Variants in DNAH11 observed in about 807,000 individuals in gnomAD.
DNAH11 encodes dynein axonemal heavy chain 11.
DNAH11 carries 442 observed loss-of-function variants against 526.0 expected under a neutral mutation model. The observed-to-expected ratio is 0.84, with a 90% CI of 0.78 to 0.91. DNAH11 has a LOEUF of 0.91. DNAH11 is among the 40% of genes least tolerant of loss of function. DNAH11 has a pLI of 0.00. For synonymous variants in DNAH11, 2,461 were observed against 1,935.9 expected, an observed-to-expected ratio of 1.27 and a Z score of -7.12; for missense variants, 6,989 against 5,448.7, an observed-to-expected ratio of 1.28 and a Z score of -8.90.
intron 63 of DNAH11, among the ~76,000 whole-genome samples, chr7:21,811,455 C>CAAA (rs33956308): frequency 1.2e-3 from 174 of 144,174 alleles, no homozygotes; most frequent in East Asian, 1.0e-3. Flanking sequence ...GATGCCATCT[C>CAAA]AAAAAAAAAA....
intron 68 of DNAH11, among the ~76,000 whole-genome samples, chr7:21,856,627 A>T (rs545556546): frequency 6.6e-6 from 1 of 152,320 alleles, no homozygotes; most frequent in East Asian, 1.9e-4. Context: ...AAAAAGCACA[A>T]TGTATCATGA....
At chr7:21,554,205 ACT>A (rs1050510543) in intron 2 of DNAH11, among the ~76,000 whole-genome samples, 1 of 120,318 alleles carries the variant, frequency 8.3e-6, no homozygotes, top group Non-Finnish European at 1.7e-5. Flanking sequence ...GGGAAGTCTC[ACT>A]CTGTTGCGCA....
Position 21,616,272 on chromosome 7 carries a change from G to C in DNAH11, c.4075G>C (p.Glu1359Gln). The C allele has an allele frequency of 3.7e-6, 6 of 1,612,772 alleles. No individual in the cohort carries two copies. Among genetic ancestry groups the C allele is most frequent in the Non-Finnish European group, 5.1e-6 (6 of 1,179,304 alleles). ...RQIHVEQMDV[E>Q]LRRFAKEIWS... Reference sequence around the variant, plus strand: ...GATTCATGTGGAACAGATGGATGTAGAACTCAGAAGGTTTGCCAAGGCGAG... The same window carrying C: ...GATTCATGTGGAACAGATGGATGTACAACTCAGAAGGTTTGCCAAGGCGAG... The change falls in exon 22 of 82, where the codon GAA (glutamate) becomes CAA (glutamine). Residue 1359 changes from glutamate to glutamine, a missense_variant. Glu to Gln is a conservative substitution (Grantham distance 29, BLOSUM62 2). Coordinates refer to ENST00000409508, the MANE Select transcript of DNAH11 (RefSeq NM_001277115.2).
chr7:21,769,483 G>GT lies in DNAH11; in HGVS notation c.9102+3894_9102+3895insT, dbSNP rs1787329738. Among the ~76,000 whole-genome samples the GT allele has an allele frequency of 3.1e-3, 297 of 94,770 alleles. 1 individual carries two copies. Among genetic ancestry groups the GT allele is most frequent in the African/African-American group, 9.0e-3 (188 of 20,868 alleles). 62.2% of individuals were successfully genotyped at this position (94,770 alleles called of 152,430 possible). ...TAGCTGGATTGCTTTTTTATTCTTT[G>GT]GTTTTTTTTTTCTTTTTTTGAGAGG... On this transcript the variant is annotated intron_variant, in intron 55 of 81. Transcript: ENST00000409508.
chr7:21,656,475 C>T (rs1262675793), intron 29 of DNAH11, among the ~76,000 whole-genome samples: 3 of 152,174 alleles, frequency 2.0e-5, no homozygotes, highest in African/African-American at 4.8e-5. Flanking sequence ...ATGTCCTGTA[C>T]TCTAATTACC....
intron 68 of DNAH11, among the ~76,000 whole-genome samples, chr7:21,856,059 C>A (rs79700408): frequency 8.6e-4 from 131 of 152,036 alleles, no homozygotes; most frequent in Non-Finnish European, 1.7e-3. Flanking sequence ...TTCAGGGATT[C>A]CAGGTAGTGA....
chr7:21,883,613 T>A (rs1418883055), intron 75 of DNAH11, among the ~76,000 whole-genome samples: 2 of 152,224 alleles, frequency 1.3e-5, no homozygotes, highest in Admixed American at 6.5e-5. Flanking sequence ...CAAGCTGATA[T>A]AAAGCAGATA....
At chr7:21,768,486 T>A (rs1423894117) in intron 55 of DNAH11, among the ~76,000 whole-genome samples, 1 of 152,178 alleles carries the variant, frequency 6.6e-6, no homozygotes, top group African/African-American at 2.4e-5. Context: ...AGTGAGATGT[T>A]TGTTGGATGG....
Position 21,591,523 on chromosome 7 carries a change from A to C in DNAH11, c.2613A>C (p.Thr871=), listed in dbSNP as rs771205044. ...FTLEDKGDLF[T]KKYKLIQGDG... is the part of the protein sequence containing the mutation. ...TGGAGGACAAGGGTGATTTGTTTACAAAAAAATACAAGTTAATCCAAGGAG... is the reference window on the plus strand; with the variant it reads ...TGGAGGACAAGGGTGATTTGTTTACCAAAAAATACAAGTTAATCCAAGGAG... The change falls in exon 14 of 82, where the codon ACA becomes ACC. Residue 871 remains threonine, a synonymous_variant. Transcript: ENST00000409508. 4 of 1,596,566 alleles carry C rather than the reference A, an allele frequency of 2.5e-6. No homozygotes were observed. The highest frequency in any genetic ancestry group is 3.4e-6 in the Non-Finnish European group (4 of 1,167,586).
intron 34 of DNAH11, among the ~76,000 whole-genome samples, chr7:21,689,292 C>T (rs895795435): frequency 7.2e-5 from 11 of 152,350 alleles, no homozygotes; most frequent in Non-Finnish European, 1.2e-4. Context: ...ATTTATGTAA[C>T]TGATCCATGT....
chr7:21,827,989 C>T (rs146677088), intron 65 of DNAH11, among the ~76,000 whole-genome samples: 2,993 of 151,634 alleles, frequency 0.02, 96 homozygotes, highest in African/African-American at 0.068. Flanking sequence ...TGCTCTGTCG[C>T]CCAGGCTGGA....
At position 21,564,274 on chromosome 7, in the gene DNAH11, A is replaced by C. The variant is rs1026108125; in HGVS notation, c.1071A>C (p.Thr357=). 6.2e-7 allele frequency: 1 copy of C among 1,613,758 alleles called. No individual in the cohort carries two copies. The highest frequency in any genetic ancestry group is 1.7e-5 in the Admixed American group (1 of 59,968). ...QCLQETEFPQ[T]RILIAPLFHT... ...TCCAGGAGACGGAATTCCCACAGACACGCATATTAATCGCTCCATTATTTC... is the reference window on the plus strand; with the variant it reads ...TCCAGGAGACGGAATTCCCACAGACCCGCATATTAATCGCTCCATTATTTC... Residue 357 remains threonine, a synonymous_variant, in exon 6 of 82, where the codon ACA becomes ACC. Transcript: ENST00000409508.
In DNAH11 at chr7:21,718,642, G is replaced by A. The variant is rs571460978; in HGVS notation, c.7134+717G>A. On this transcript the variant is annotated intron_variant, in intron 43 of 81. Coordinates refer to ENST00000409508, the MANE Select transcript of DNAH11 (RefSeq NM_001277115.2). ...CACAACACACAGAAATGAAGGCTGT[G>A]ATCTTCATCTCAGCATGAAGAAAAA... 2.0e-5 allele frequency among the ~76,000 whole-genome samples: 3 copies of A among 152,260 alleles called. No individual in the cohort carries two copies. The South Asian group carries it at 6.2e-4, about 32-fold the overall frequency.
At chr7:21,840,510 G>C (rs1782165214) in intron 65 of DNAH11, among the ~76,000 whole-genome samples, 1 of 152,054 alleles carries the variant, frequency 6.6e-6, no homozygotes, top group Non-Finnish European at 1.5e-5. Context: ...CATGCCTCTA[G>C]GCCTCATAAG....
At chr7:21,876,705 C>T (rs1783725664) in intron 74 of DNAH11, among the ~76,000 whole-genome samples, 2 of 152,192 alleles carry the variant, frequency 1.3e-5, no homozygotes, top group Admixed American at 6.5e-5. Context: ...GCAGGAGTTG[C>T]AGCCCCCATA....
At position 21,610,048 on chromosome 7, in the gene DNAH11, A is replaced by G. The variant is rs563875463; in HGVS notation, c.3852+3315A>G. 2.0e-5 allele frequency among the ~76,000 whole-genome samples: 3 copies of G among 152,154 alleles called. No homozygotes were observed. The South Asian group carries it at 6.2e-4, about 32-fold the overall frequency. On this transcript the variant is annotated intron_variant, in intron 20 of 81. Coordinates refer to ENST00000409508, the MANE Select transcript of DNAH11 (RefSeq NM_001277115.2). Reference sequence around the variant, plus strand: ...GGCAGGCAGATCACAAGGTCAGGAGATGGAGACCATCCTGGCTAACACAGT... The same window carrying G: ...GGCAGGCAGATCACAAGGTCAGGAGGTGGAGACCATCCTGGCTAACACAGT...
At chr7:21,661,985 A>G (rs1782259995) in intron 30 of DNAH11, among the ~76,000 whole-genome samples, 1 of 151,842 alleles carries the variant, frequency 6.6e-6, no homozygotes, top group African/African-American at 2.4e-5. Flanking sequence ...TGCCCAGCTA[A>G]TTTTTGTGTT....
In DNAH11 at chr7:21,710,616, G is replaced by C. The variant is rs760315430; in HGVS notation, c.6747G>C (p.Lys2249Asn). 1.3e-5 allele frequency: 21 copies of C among 1,613,184 alleles called. No individual in the cohort carries two copies. The South Asian group carries it at 1.9e-4, about 14-fold the overall frequency. ...SSILREQANL[K>N]HDGPKWIVLD... is the part of the protein sequence containing the mutation. ...TTCTACGAGAACAAGCAAATCTTAAGCATGATGGACCAAAATGGATAGTCC... is the reference window on the plus strand; with the variant it reads ...TTCTACGAGAACAAGCAAATCTTAACCATGATGGACCAAAATGGATAGTCC... The change falls in exon 41 of 82, where the codon AAG becomes AAC. Residue 2249 changes from lysine (K) to asparagine (N), a missense_variant. Lys to Asn is a moderately conservative substitution (Grantham distance 94). Coordinates refer to ENST00000409508, the MANE Select transcript of DNAH11 (RefSeq NM_001277115.2).
At chr7:21,897,749 T>G (rs1399210211) in intron 79 of DNAH11, among the ~76,000 whole-genome samples, 1 of 152,198 alleles carries the variant, frequency 6.6e-6, no homozygotes, top group Non-Finnish European at 1.5e-5. Flanking sequence ...CCCTAGTAGC[T>G]GGGATTACAG....
Sources: allele counts gnomAD v4.1 joint callset (sites outside exome capture counted in the v4.1 genomes callset), GRCh38; gene constraint gnomAD v4.1.1; transcripts MANE v1.5; gene names NCBI Gene and HGNC (gene_info 2026-07-23, HGNC 2026-07-21).